Variants in GIT2 observed in about 807,000 individuals in gnomAD.
GIT2 encodes ARF GTPase-activating protein GIT2.
A neutral mutation model predicts 100.3 loss-of-function variants in GIT2; 32 were observed. The observed-to-expected ratio is 0.32, with a 90% CI of 0.24 to 0.43. The LOEUF (loss-of-function observed/expected upper bound fraction) is 0.43. Ranked by LOEUF, GIT2 falls within the 20% of genes least tolerant of loss-of-function variation. GIT2 has a pLI of 1.00. For synonymous variants in GIT2, 353 were observed against 364.1 expected (o/e 0.97, Z 0.35); for missense variants, 737 against 975.1 (o/e 0.76, Z 3.25).
At chr12:109,961,579 CAGA>C in intron 10 of GIT2, 31 bp downstream of exon 10, 1 of 1,396,844 alleles carries the variant, frequency 7.2e-7, no homozygotes, top group Middle Eastern at 1.8e-4. Flanking sequence ...CCACTGATAA[CAGA>C]AGCTTATTAG....
At position 109,933,202 on chromosome 12, in the gene GIT2, A is replaced by C. The variant is rs545428499; in HGVS notation, c.2068-12T>G. ...TCAGACTTGGGTTTCTAAAAGGAAAAAGACAGCCGTTTACCCTGAACTGCA... is the reference window on the plus strand; with the variant it reads ...TCAGACTTGGGTTTCTAAAAGGAAACAGACAGCCGTTTACCCTGAACTGCA... On this transcript the variant is annotated splice_polypyrimidine_tract_variant and intron_variant, in intron 19 of 19. Coordinates refer to ENST00000355312, the MANE Select transcript of GIT2 (RefSeq NM_057169.5). The surrounding 1 kb of genome is among the most constrained non-coding windows in gnomAD (Gnocchi z 4.5). 1 of 1,479,094 alleles carries C rather than the reference A, an allele frequency of 6.8e-7. No individual in the cohort carries two copies. Among genetic ancestry groups the C allele is most frequent in the African/African-American group, 1.4e-5 (1 of 71,792 alleles). 91.6% of individuals were successfully genotyped at this position (1,479,094 alleles called of 1,614,324 possible).
At chr12:109,960,835 A>T (rs1593036934) in intron 11 of GIT2, among the ~76,000 whole-genome samples, 1 of 152,192 alleles carries the variant, frequency 6.6e-6, no homozygotes, top group East Asian at 1.9e-4. Flanking sequence ...GGATGTACTT[A>T]ATTTTGAGGC....
chr12:109,970,566 T>C (rs1169414951), intron 7 of GIT2, among the ~76,000 whole-genome samples: 3 of 152,182 alleles, frequency 2.0e-5, no homozygotes, highest in African/African-American at 4.8e-5. Context: ...CTTTGCACTT[T>C]TGACAAAAAT....
chr12:109,945,562 T>C (rs1876099415), intron 15 of GIT2, among the ~76,000 whole-genome samples: 1 of 152,218 alleles, frequency 6.6e-6, no homozygotes, highest in Non-Finnish European at 1.5e-5. Context: ...AAGGCTGCTT[T>C]TCCATAAGGG....
At chr12:109,968,592 TTTG>T (rs1342347955) in intron 7 of GIT2, among the ~76,000 whole-genome samples, 2 of 151,758 alleles carry the variant, frequency 1.3e-5, no homozygotes, top group Non-Finnish European at 2.9e-5. Flanking sequence ...CCCAACTAAT[TTTG>T]TTTTTTCAGT....
rs1461854576 is a variant in GIT2 at position 109,933,789 on chromosome 12, CAG to C, written c.2067+231_2067+232del. 6 of 458,398 alleles carry C rather than the reference CAG, an allele frequency of 1.3e-5. No homozygotes were observed. Among genetic ancestry groups the C allele is most frequent in the Admixed American group, 6.9e-5 (2 of 28,932 alleles). 28.4% of individuals were successfully genotyped at this position (458,398 alleles called of 1,614,324 possible). A position where few individuals can be genotyped will look rare whatever the true frequency, so the allele number is the denominator to read the frequency against. ...ACTAATTTTGTATTTTTAGTAGAGA[CAG>C]GGTCTCTCCATGTTGGTCAGGCTGG... is the stretch of plus-strand genomic sequence containing the variant. On this transcript the variant is annotated intron_variant, in intron 19 of 19. Coordinates refer to ENST00000355312, the MANE Select transcript of GIT2 (RefSeq NM_057169.5). The surrounding 1 kb of genome is among the most constrained non-coding windows in gnomAD (Gnocchi z 4.5).
chr12:109,996,297 G>T lies in GIT2; in HGVS notation c.-73C>A, dbSNP rs1889414413. 11 of 1,056,342 alleles carry T rather than the reference G, an allele frequency of 1.0e-5. No individual in the cohort carries two copies. The highest frequency in any genetic ancestry group is 1.5e-5 in the Non-Finnish European group (11 of 724,226). The allele number at this position is 1,056,342 out of a possible 1,614,324, so 65.4% of individuals were successfully genotyped here. A position where few individuals can be genotyped will look rare whatever the true frequency, so the allele number is the denominator to read the frequency against. ...AGGCGGCGGTGGCGGCGGCGCTTCC[G>T]CTCTAACGGGTCCCAGCTGCGGCGG... On this transcript the variant is annotated 5_prime_UTR_variant, in exon 1 of 20. Coordinates refer to ENST00000355312, the MANE Select transcript of GIT2 (RefSeq NM_057169.5).
chr12:109,997,975 T>C (rs898921503), upstream of GIT2: 1 of 152,218 alleles, frequency 6.6e-6, no homozygotes, highest in Non-Finnish European at 1.5e-5. Flanking sequence ...TGAATGCCTG[T>C]TGTTAGCCAG....
Position 109,931,645 on chromosome 12 carries a change from G to T in GIT2, c.*1333C>A, listed in dbSNP as rs76830423. 5.8e-4 allele frequency: 89 copies of T among 152,462 alleles called. 1 individual carries two copies. The East Asian group carries it at 0.016, about 28-fold the overall frequency. 9.4% of individuals were successfully genotyped at this position (152,462 alleles called of 1,614,324 possible). A position where few individuals can be genotyped will look rare whatever the true frequency, so the allele number is the denominator to read the frequency against. ...CCATAGTCTCCTCTGCCCTGCTGCC[G>T]TGTACCTGGCTCCCTTCACTCATCC... On this transcript the variant is annotated 3_prime_UTR_variant, in exon 20 of 20. Coordinates refer to ENST00000355312, the MANE Select transcript of GIT2 (RefSeq NM_057169.5).
At chr12:109,964,324 A>G (rs1881756273) in intron 9 of GIT2, among the ~76,000 whole-genome samples, 1 of 152,180 alleles carries the variant, frequency 6.6e-6, no homozygotes, top group African/African-American at 2.4e-5. Flanking sequence ...TTATTTCATA[A>G]TACAGTTAAA....
Position 109,996,303 on chromosome 12 carries a change from A to C in GIT2, c.-79T>G. The C allele has an allele frequency of 2.0e-6, 2 of 1,020,882 alleles. No homozygotes were observed. Among genetic ancestry groups the C allele is most frequent in the Non-Finnish European group, 2.9e-6 (2 of 693,962 alleles). 63.2% of individuals were successfully genotyped at this position (1,020,882 alleles called of 1,614,324 possible). A position where few individuals can be genotyped will look rare whatever the true frequency, so the allele number is the denominator to read the frequency against. On this transcript the variant is annotated 5_prime_UTR_variant, in exon 1 of 20. Transcript: ENST00000355312. ...CGGTGGCGGCGGCGCTTCCGCTCTA[A>C]CGGGTCCCAGCTGCGGCGGCGCTGA...
At chr12:109,974,276 C>G (rs140057900) in intron 7 of GIT2, among the ~76,000 whole-genome samples, 4,309 of 152,186 alleles carry the variant, frequency 0.028, 77 homozygotes, top group Middle Eastern at 0.048. Flanking sequence ...CCTGTAATCT[C>G]AGCACTGTGG....
In GIT2 at chr12:109,934,378, A is replaced by C. The variant is rs1412311859; in HGVS notation, c.2004-293T>G. Among the ~76,000 whole-genome samples, 1 of 152,226 alleles carries C rather than the reference A, an allele frequency of 6.6e-6. No homozygotes were observed. Among genetic ancestry groups the C allele is most frequent in the Non-Finnish European group, 1.5e-5 (1 of 68,030 alleles). The stretch of plus-strand genomic sequence containing the variant: ...AACATAATTCACCCCTCCTCACGTC[A>C]GTCATTTACTTCTCATGTGTTTCAT... On this transcript the variant is annotated intron_variant, in intron 18 of 19. Coordinates refer to ENST00000355312, the MANE Select transcript of GIT2 (RefSeq NM_057169.5). This position sits in a 1 kb window ranked among gnomAD's most constrained non-coding sequence, Gnocchi z 4.5.
chr12:109,952,407 A>C, intron 13 of GIT2: 1 of 482,800 alleles, frequency 2.1e-6, no homozygotes, highest in South Asian at 1.5e-5. Context: ...TCCAGTATGG[A>C]TCTCTCCCTC....
At chr12:109,943,496 C>T (rs1004366604) in intron 16 of GIT2, among the ~76,000 whole-genome samples, 4 of 151,920 alleles carry the variant, frequency 2.6e-5, no homozygotes, top group Admixed American at 2.0e-4. Context: ...CACCACCCGC[C>T]GCTAATTTTT....
intron 7 of GIT2, 73 bp downstream of exon 7, chr12:109,980,879 A>AAT: frequency 1.1e-6 from 1 of 897,858 alleles, no homozygotes; most frequent in Non-Finnish European, 1.9e-6. Context: ...GGTAATAACA[A>AAT]ATAGTGTCCC....
At position 109,948,977 on chromosome 12, in the gene GIT2, T is replaced by C. The variant is rs1877091583; in HGVS notation, c.1393-1473A>G. On this transcript the variant is annotated intron_variant, in intron 14 of 19. Transcript: ENST00000355312. This position sits in a 1 kb window ranked among gnomAD's most constrained non-coding sequence, Gnocchi z 4.3. ...TAAACAAATTCCATATACTTTATAT[T>C]AATCATGCCAAACTGCTGTGAAAGT... 1 of 633,350 alleles carries C rather than the reference T, an allele frequency of 1.6e-6. No individual in the cohort carries two copies. The highest frequency in any genetic ancestry group is 3.2e-5 in the Admixed American group (1 of 30,850). The allele number at this position is 633,350 out of a possible 1,614,324, so 39.2% of individuals were successfully genotyped here. A position where few individuals can be genotyped will look rare whatever the true frequency, so the allele number is the denominator to read the frequency against.
chr12:109,967,350 G>A, intron 8 of GIT2, 108 bp downstream of exon 8: 1 of 1,590,508 alleles, frequency 6.3e-7, no homozygotes, highest in South Asian at 1.1e-5. Flanking sequence ...CCATAAAAGA[G>A]AAAAATGTAT....
chr12:109,996,322 G>T lies in GIT2; in HGVS notation c.-98C>A. On this transcript the variant is annotated 5_prime_UTR_variant, in exon 1 of 20. Transcript: ENST00000355312. The stretch of plus-strand genomic sequence containing the variant: ...GCTCTAACGGGTCCCAGCTGCGGCG[G>T]CGCTGACGGCGGCGCCTCTCCCCTC... 1.2e-6 allele frequency: 1 copy of T among 807,288 alleles called. No individual in the cohort carries two copies. Among genetic ancestry groups the T allele is most frequent in the Non-Finnish European group, 1.9e-6 (1 of 523,750 alleles). 50.0% of individuals were successfully genotyped at this position (807,288 alleles called of 1,614,324 possible).
Sources: gnomAD v4.1 joint callset for allele counts (sites outside exome capture counted in the v4.1 genomes callset) on GRCh38, gnomAD v4.1.1 for gene constraint, Gnocchi (gnomAD v3.1) non-coding constraint, MANE v1.5 for transcripts, NCBI Gene and HGNC (gene_info 2026-07-23, HGNC 2026-07-21) for gene names.